Variants in CACNA2D2 observed in about 807,000 individuals in gnomAD.
CACNA2D2 encodes calcium voltage-gated channel auxiliary subunit alpha2delta 2, also known as voltage-dependent calcium channel subunit alpha-2/delta-2.
A neutral mutation model predicts 166.4 loss-of-function variants in CACNA2D2; 48 were observed. The observed-to-expected ratio is 0.29, with a 90% CI of 0.23 to 0.37. The LOEUF (loss-of-function observed/expected upper bound fraction) is 0.37. Among genes scored for constraint, CACNA2D2 ranks in the 10% least tolerant of loss-of-function variants. The pLI, the probability that CACNA2D2 is intolerant of heterozygous loss-of-function variation, is 1.00. For missense variants in CACNA2D2, 1,122 were observed against 1,433.0 expected, an observed-to-expected ratio of 0.78 and a Z score of 3.50; for synonymous variants, 561 against 573.7, an observed-to-expected ratio of 0.98 and a Z score of 0.32.
At chr3:50,495,022 G>T (rs1341403485) in intron 1 of CACNA2D2, among the ~76,000 whole-genome samples, 2 of 152,188 alleles carry the variant, frequency 1.3e-5, no homozygotes, top group African/African-American at 4.8e-5. Context: ...TGCGAGGAAG[G>T]CTGCATAGGG....
intron 3 of CACNA2D2, among the ~76,000 whole-genome samples, chr3:50,425,095 G>T (rs1186279686): frequency 6.6e-6 from 1 of 152,160 alleles, no homozygotes; most frequent in Non-Finnish European, 1.5e-5. Flanking sequence ...CTTCCACAGG[G>T]CCAAGCTTGT....
chr3:50,460,545 G>A (rs1171554734), intron 2 of CACNA2D2, among the ~76,000 whole-genome samples: 1 of 152,064 alleles, frequency 6.6e-6, no homozygotes, highest in Non-Finnish European at 1.5e-5. Context: ...AATGAAACAA[G>A]AACAAGATAT....
At chr3:50,503,874 C>T (rs1439654121), upstream of CACNA2D2, among the ~76,000 whole-genome samples, 2 of 152,046 alleles carry the variant, frequency 1.3e-5, no homozygotes, top group East Asian at 1.9e-4. Context: ...TGCGCCCCCG[C>T]CCCCACACCT....
intron 2 of CACNA2D2, among the ~76,000 whole-genome samples, chr3:50,444,920 C>T (rs538512785): frequency 1.3e-5 from 2 of 152,208 alleles, no homozygotes; most frequent in Non-Finnish European, 2.9e-5. Context: ...ACCTTGCATA[C>T]CAGGTCACAC....
chr3:50,435,059 G>A (rs1203714274), intron 2 of CACNA2D2, among the ~76,000 whole-genome samples: 1 of 152,206 alleles, frequency 6.6e-6, no homozygotes, highest in Admixed American at 6.5e-5. Flanking sequence ...GCAGGTTGGG[G>A]AGAATGAATC....
chr3:50,412,122 G>A (rs1013433285), intron 3 of CACNA2D2, among the ~76,000 whole-genome samples: 1 of 152,204 alleles, frequency 6.6e-6, no homozygotes, highest in South Asian at 2.1e-4. Flanking sequence ...TGCTCACCTC[G>A]GCCTCTGCCC....
rs761273230 is a variant in CACNA2D2 at position 50,367,770 on chromosome 3, C to T, written c.2234+42G>A. 6.2e-7 allele frequency: 1 copy of T among 1,611,790 alleles called. No homozygotes were observed. The highest frequency in any genetic ancestry group is 8.5e-7 in the Non-Finnish European group (1 of 1,178,416). On this transcript the variant is annotated intron_variant, in intron 25 of 37. Transcript: ENST00000424201. This position sits in a 1 kb window ranked among gnomAD's most constrained non-coding sequence, Gnocchi z 6.5. ...GCTGGGCAGGTCCAGGGCCTCTGGG[C>T]CCATCCTAGCCTTCTGCCCCCACAG...
At chr3:50,423,350 G>A (rs1707661572) in intron 3 of CACNA2D2, among the ~76,000 whole-genome samples, 1 of 152,224 alleles carries the variant, frequency 6.6e-6, no homozygotes, top group East Asian at 1.9e-4. Flanking sequence ...CTGCTCAGAG[G>A]GATCTTGAAT....
intron 3 of CACNA2D2, among the ~76,000 whole-genome samples, chr3:50,401,833 C>G (rs567862019): frequency 6.6e-6 from 1 of 151,978 alleles, no homozygotes; most frequent in African/African-American, 2.4e-5. Flanking sequence ...CTCAGCCTCC[C>G]GAGTAGCTAC....
At chr3:50,377,911 T>G (rs1484033480) in intron 15 of CACNA2D2, 97 bp downstream of exon 15, 1 of 1,498,576 alleles carries the variant, frequency 6.7e-7, no homozygotes, top group African/African-American at 1.4e-5. Context: ...CTGTGCTTGG[T>G]TTACCCCATA....
At chr3:50,377,430 G>A (rs2106648483) in intron 17 of CACNA2D2, 37 bp downstream of exon 17, 2 of 1,550,678 alleles carry the variant, frequency 1.3e-6, no homozygotes, top group Non-Finnish European at 1.8e-6. Context: ...TGTCCACATG[G>A]GAGGCAGGGT....
intron 2 of CACNA2D2, among the ~76,000 whole-genome samples, chr3:50,453,249 C>T (rs969602125): frequency 1.3e-5 from 2 of 152,168 alleles, no homozygotes; most frequent in East Asian, 1.9e-4. Context: ...CTTCCCTAAA[C>T]CCCCTGGTGA....
intron 2 of CACNA2D2, among the ~76,000 whole-genome samples, chr3:50,474,332 T>G (rs74785038): frequency 6.6e-6 from 1 of 152,224 alleles, no homozygotes; most frequent in Admixed American, 6.5e-5. Flanking sequence ...CGTATCTGTA[T>G]CAGCCTGTCC....
intron 1 of CACNA2D2, among the ~76,000 whole-genome samples, chr3:50,484,531 C>T (rs777482212): frequency 1.4e-4 from 22 of 152,180 alleles, no homozygotes; most frequent in Non-Finnish European, 2.2e-4. Flanking sequence ...GCACAGGCTT[C>T]GGCACATGCT....
At chr3:50,475,429 C>CGAGAGTCGTA (rs1266891317) in intron 2 of CACNA2D2, among the ~76,000 whole-genome samples, 3 of 152,160 alleles carry the variant, frequency 2.0e-5, no homozygotes, top group Admixed American at 2.0e-4. Flanking sequence ...GCACGTACCC[C>CGAGAGTCGTA]GAGAGTCGTA....
In CACNA2D2 at chr3:50,376,141, C is replaced by T. The variant is rs201381985; in HGVS notation, c.1674G>A (p.Val558=). ...GGGGCTTGAGATTGGGGTGCAGCAA[C>T]ACGTAGCCGTTCAGGTCAATGGCAA... ...YVFAIDLNGY[V]LLHPNLKPQT... Residue 558 remains valine, a synonymous_variant, in exon 18 of 38, where the codon GTG becomes GTA. Coordinates refer to ENST00000424201, the MANE Select transcript of CACNA2D2 (RefSeq NM_006030.4). This position sits in a 1 kb window ranked among gnomAD's most constrained non-coding sequence, Gnocchi z 4.3. The T allele has an allele frequency of 3.0e-5, 49 of 1,613,550 alleles. No homozygotes were observed. In the East Asian group the frequency reaches 1.0e-3, roughly 34 times the overall value.
At chr3:50,458,337 C>A (rs1435570002) in intron 2 of CACNA2D2, among the ~76,000 whole-genome samples, 3 of 152,176 alleles carry the variant, frequency 2.0e-5, no homozygotes, top group African/African-American at 7.2e-5. Context: ...CCCAGAGACT[C>A]CCTGCTGCTA....
intron 3 of CACNA2D2, among the ~76,000 whole-genome samples, chr3:50,411,450 C>T (rs1707012374): frequency 6.6e-6 from 1 of 152,176 alleles, no homozygotes; most frequent in African/African-American, 2.4e-5. Flanking sequence ...TGCTCACTCT[C>T]CCCCAGCTCC....
chr3:50,389,989 T>C (rs988763642), intron 4 of CACNA2D2, among the ~76,000 whole-genome samples: 2 of 131,770 alleles, frequency 1.5e-5, no homozygotes, highest in African/African-American at 5.7e-5. Context: ...GAGCTGGGGG[T>C]GTGGCGGGAG....
Sources: allele counts gnomAD v4.1 joint callset (sites outside exome capture counted in the v4.1 genomes callset), GRCh38; gene constraint gnomAD v4.1.1; non-coding constraint Gnocchi (gnomAD v3.1); transcripts MANE v1.5; gene names NCBI Gene and HGNC (gene_info 2026-07-23, HGNC 2026-07-21).